ARHGAP26: variants seen among roughly 807,000 people sequenced by gnomAD.
ARHGAP26 encodes the protein rho GTPase-activating protein 26.
Under a neutral mutation model 104.8 loss-of-function variants are expected in ARHGAP26, and 38 were observed. That is an observed-to-expected ratio of 0.36 (90% CI 0.28 to 0.48). The LOEUF is 0.48. ARHGAP26 is among the 20% of genes least tolerant of loss of function. The pLI is 0.99. For synonymous variants in ARHGAP26, 341 were observed against 340.0 expected (o/e 1.00, Z -0.03); for missense variants, 704 against 947.9 (o/e 0.74, Z 3.38).
chr5:143,211,051 C>G (rs1006792507), intron 21 of ARHGAP26, among the ~76,000 whole-genome samples: 5 of 152,178 alleles, frequency 3.3e-5, no homozygotes, highest in African/African-American at 1.2e-4. Flanking sequence ...AATCTCTCTG[C>G]CAACAGGATT....
chr5:142,949,194 A>AGGAGAGAG (rs1376483531), intron 11 of ARHGAP26, among the ~76,000 whole-genome samples: 1 of 27,398 alleles, frequency 3.6e-5, no homozygotes, highest in African/African-American at 3.3e-4. Flanking sequence ...AGAGAGAGAG[A>AGGAGAGAG]GAGAGAGAGA....
At chr5:142,920,755 T>A (rs185081363) in intron 10 of ARHGAP26, among the ~76,000 whole-genome samples, 57 of 152,340 alleles carry the variant, frequency 3.7e-4, no homozygotes, top group Middle Eastern at 3.4e-3. Flanking sequence ...CTTATCTTCA[T>A]GGAGCTTACC....
chr5:143,147,281 A>C lies in ARHGAP26; in HGVS notation c.1888A>C (p.Asn630His), dbSNP rs754569626. The change falls in exon 20 of 23, where the codon AAT becomes CAT. Residue 630 changes from asparagine to histidine, a missense_variant. Transcript: ENST00000645722. ...CTCCAGTTTGGAATCTGTCTCATCA[A>C]ATCCAAACAGCATCCTTAATTCCAG... ...INSSLESVSSNPNSILNSSSS... is the reference protein window; with the variant it reads ...INSSLESVSSHPNSILNSSSS... 5.0e-6 allele frequency: 8 copies of C among 1,614,000 alleles called. No homozygotes were observed. The African/African-American group carries it at 1.1e-4, about 22-fold the overall frequency.
intron 1 of ARHGAP26, among the ~76,000 whole-genome samples, chr5:142,795,365 A>AG (rs1760784036): frequency 6.6e-6 from 1 of 152,226 alleles, no homozygotes; most frequent in Non-Finnish European, 1.5e-5. Context: ...ACCACCGCAC[A>AG]GCATGCTCTA....
At chr5:143,051,232 A>G (rs1166913542) in intron 14 of ARHGAP26, among the ~76,000 whole-genome samples, 4 of 152,214 alleles carry the variant, frequency 2.6e-5, no homozygotes, top group Admixed American at 2.6e-4. Context: ...CAACACAGTA[A>G]TAGACTAGAT....
chr5:142,776,364 C>T (rs1332724550), intron 1 of ARHGAP26, among the ~76,000 whole-genome samples: 1 of 152,132 alleles, frequency 6.6e-6, no homozygotes, highest in African/African-American at 2.4e-5. Flanking sequence ...TTTTTAGCAC[C>T]CCGAAAAGCT....
intron 1 of ARHGAP26, among the ~76,000 whole-genome samples, chr5:142,786,602 C>G (rs1000848957): frequency 1.3e-5 from 2 of 150,102 alleles, no homozygotes; most frequent in African/African-American, 4.9e-5. Context: ...ATGGAGAAAA[C>G]AAAGCCTTTG....
intron 1 of ARHGAP26, among the ~76,000 whole-genome samples, chr5:142,838,409 C>T (rs1561927583): frequency 6.6e-6 from 1 of 152,094 alleles, no homozygotes; most frequent in Non-Finnish European, 1.5e-5. Flanking sequence ...CAGAGAAATA[C>T]AAAGGAAGTT....
rs368837809 is a variant in ARHGAP26, at chr5:142,849,820, C to T, written c.155-23580C>T. 7.2e-5 allele frequency among the ~76,000 whole-genome samples: 11 copies of T among 151,736 alleles called. No individual in the cohort carries two copies. In the East Asian group the frequency reaches 1.9e-3, roughly 27 times the overall value. On this transcript the variant is annotated intron_variant, in intron 1 of 22. Coordinates refer to ENST00000645722, the MANE Select transcript of ARHGAP26 (RefSeq NM_001135608.3). ...CTCTTTCCTCCAGTCTGCTTCACCT[C>T]CCATGCTCCCTGTTTCTGTTAAAAA... is the stretch of plus-strand genomic sequence containing the variant.
At chr5:142,775,446 G>A (rs1756118694) in intron 1 of ARHGAP26, among the ~76,000 whole-genome samples, 2 of 152,026 alleles carry the variant, frequency 1.3e-5, no homozygotes, top group Admixed American at 1.3e-4. Flanking sequence ...TTTTATTTGG[G>A]TTATTTCTCT....
chr5:143,145,441 C>A (rs781407864), intron 19 of ARHGAP26, among the ~76,000 whole-genome samples: 1 of 152,182 alleles, frequency 6.6e-6, no homozygotes, highest in Non-Finnish European at 1.5e-5. Flanking sequence ...CCTCCAGTTC[C>A]TCATGGTCTT....
At position 143,069,083 on chromosome 5, in the gene ARHGAP26, A is replaced by T. The variant is rs548391486; in HGVS notation, c.1538+11336A>T. Among the ~76,000 whole-genome samples, 7 of 151,936 alleles carry T rather than the reference A, an allele frequency of 4.6e-5. No individual in the cohort carries two copies. In the South Asian group the frequency reaches 8.3e-4, roughly 18 times the overall value. ...CTCTGTCCTTCAGGCCTCAGACCTC[A>T]TCTCCCCTCCTGCCATCCTCTCTCC... On this transcript the variant is annotated intron_variant, in intron 17 of 22. Coordinates refer to ENST00000645722, the MANE Select transcript of ARHGAP26 (RefSeq NM_001135608.3).
chr5:143,060,708 T>G (rs1420371769), intron 17 of ARHGAP26, among the ~76,000 whole-genome samples: 5 of 151,954 alleles, frequency 3.3e-5, no homozygotes, highest in Non-Finnish European at 7.4e-5. Flanking sequence ...GGGGCGCTTG[T>G]TTACATTGAC....
intron 17 of ARHGAP26, among the ~76,000 whole-genome samples, chr5:143,062,251 T>A (rs1464810174): frequency 6.6e-6 from 1 of 152,106 alleles, no homozygotes; most frequent in East Asian, 1.9e-4. Flanking sequence ...TGGTGGGAGG[T>A]AAGAGAGGGT....
At position 142,770,842 on chromosome 5, in the gene ARHGAP26, A is replaced by G. The variant is rs1390874737; in HGVS notation, c.81A>G (p.Ala27=). 1.9e-6 allele frequency: 3 copies of G among 1,611,794 alleles called. No individual in the cohort carries two copies. Among genetic ancestry groups the G allele is most frequent in the Middle Eastern group, 1.7e-4 (1 of 6,054 alleles). Residue 27 remains alanine (A), a synonymous_variant, in exon 1 of 23, where the codon GCA becomes GCG. Transcript: ENST00000645722. ...GAGAGACGCTCAAGTCGCACGAAGC[A>G]GAGCTGGACAAGACCAACAAATTCA... ...HFRETLKSHE[A]ELDKTNKFIK...
intron 17 of ARHGAP26, among the ~76,000 whole-genome samples, chr5:143,110,077 C>T (rs1237806334): frequency 6.6e-6 from 1 of 152,212 alleles, no homozygotes; most frequent in Non-Finnish European, 1.5e-5. Context: ...CCTGTAGCTC[C>T]CTTCCCAGAT....
chr5:143,182,918 T>A (rs571683099), intron 20 of ARHGAP26, among the ~76,000 whole-genome samples: 6 of 152,222 alleles, frequency 3.9e-5, no homozygotes, highest in African/African-American at 1.4e-4. Flanking sequence ...GTGACATAGA[T>A]CCTTTGGAAA....
chr5:143,159,057 C>T (rs558240949), intron 20 of ARHGAP26, among the ~76,000 whole-genome samples: 111 of 152,338 alleles, frequency 7.3e-4, no homozygotes, highest in African/African-American at 2.6e-3. Context: ...GCTGCCCAGT[C>T]ACCACCCTTA....
In ARHGAP26 at chr5:142,796,758, A is replaced by AT. The variant is rs1300264038; in HGVS notation, c.154+25849dup. Among the ~76,000 whole-genome samples the AT allele has an allele frequency of 4.6e-5, 7 of 152,190 alleles. No individual in the cohort carries two copies. The South Asian group carries it at 6.2e-4, about 14-fold the overall frequency. ...CTGCTCCAGTCCTGAATCTGTTTTG[A>AT]TTTTTTCTAATGGATAATGGGTTTC... On this transcript the variant is annotated intron_variant, in intron 1 of 22. Coordinates refer to ENST00000645722, the MANE Select transcript of ARHGAP26 (RefSeq NM_001135608.3).
Sources: allele counts gnomAD v4.1 joint callset (sites outside exome capture counted in the v4.1 genomes callset), GRCh38; gene constraint gnomAD v4.1.1; transcripts MANE v1.5; gene names NCBI Gene and HGNC (gene_info 2026-07-23, HGNC 2026-07-21).